Variants in ZNF462 observed in about 807,000 individuals in gnomAD.
ZNF462 encodes zinc finger PBX1-interacting protein.
ZNF462 carries 10 observed loss-of-function variants against 201.9 expected under a neutral mutation model. The ratio of observed to expected loss-of-function variants is 0.05; its 90% confidence interval spans 0.03 to 0.08. ZNF462 has a LOEUF of 0.08. ZNF462 is among the 10% of genes least tolerant of loss of function. The pLI is 1.00. For missense variants in ZNF462, 2,523 were observed against 3,168.3 expected (o/e 0.80, Z 4.89); for synonymous variants, 1,227 against 1,193.3 (o/e 1.03, Z -0.58).
intron 10 of ZNF462, among the ~76,000 whole-genome samples, chr9:106,992,923 T>C (rs1828399647): frequency 6.6e-6 from 1 of 152,102 alleles, no homozygotes. Flanking sequence ...CTGTAGTCTT[T>C]TTATGACGTT....
At chr9:106,863,035 G>A (rs1403919250), upstream of ZNF462, 4 of 396,870 alleles carry the variant, frequency 1.0e-5, no homozygotes. Flanking sequence ...GAGAGAGAGC[G>A]CGCGAGGGAG....
chr9:106,924,519 C>T lies in ZNF462; in HGVS notation c.607C>T (p.Pro203Ser). 1 of 1,614,110 alleles carries T rather than the reference C, an allele frequency of 6.2e-7. No homozygotes were observed. The highest frequency in any genetic ancestry group is 8.5e-7 in the Non-Finnish European group (1 of 1,180,000). ...TCCCCCACCTGCTCCTGCTCCAATGCCAGACCCTGTGGTTCCGCCCGTATC... is the reference window on the plus strand; with the variant it reads ...TCCCCCACCTGCTCCTGCTCCAATGTCAGACCCTGTGGTTCCGCCCGTATC... ...TAPPPAPAPM[P>S]DPVVPPVSLQ... is the part of the protein sequence containing the mutation. Residue 203 changes from proline (P) to serine (S), a missense_variant, in exon 3 of 13, where the codon CCA (proline) becomes TCA (serine). Physicochemically the swap from Pro to Ser is moderately conservative, Grantham distance 74. Around this residue, in one of 15 missense-constraint regions of ZNF462, gnomAD observed 480 missense variants for 544.4 expected, o/e 0.88. Coordinates refer to ENST00000277225, the MANE Select transcript of ZNF462 (RefSeq NM_021224.6). The surrounding 1 kb of genome is among the most constrained non-coding windows in gnomAD (Gnocchi z 6.2).
chr9:106,932,402 G>T lies in ZNF462; in HGVS notation c.6013-44G>T, dbSNP rs750018013. ...TTGGAGGATGAAACCCGGCCGGGGGGATACCATTGCAGTCAATGTGACAGA... is the reference window on the plus strand; with the variant it reads ...TTGGAGGATGAAACCCGGCCGGGGGTATACCATTGCAGTCAATGTGACAGA... On this transcript the variant is annotated intron_variant, in intron 4 of 12. Coordinates refer to ENST00000277225, the MANE Select transcript of ZNF462 (RefSeq NM_021224.6). This position sits in a 1 kb window ranked among gnomAD's most constrained non-coding sequence, Gnocchi z 6.8. 3.1e-6 allele frequency: 5 copies of T among 1,614,024 alleles called. No homozygotes were observed. The highest frequency in any genetic ancestry group is 1.1e-5 in the South Asian group (1 of 91,046).
chr9:106,990,995 A>G (rs1358287499), intron 10 of ZNF462, among the ~76,000 whole-genome samples: 1 of 152,024 alleles, frequency 6.6e-6, no homozygotes, highest in Non-Finnish European at 1.5e-5. Context: ...TGAGAGAGGA[A>G]TAGGGGTATC....
rs773855707 is a variant in ZNF462 at position 106,977,802 on chromosome 9, A to G, written c.6832+3529A>G. Among the ~76,000 whole-genome samples the G allele has an allele frequency of 1.3e-5, 2 of 151,598 alleles. No homozygotes were observed. The highest frequency in any genetic ancestry group is 2.9e-5 in the Non-Finnish European group (2 of 68,044). On this transcript the variant is annotated intron_variant, in intron 9 of 12. Coordinates refer to ENST00000277225, the MANE Select transcript of ZNF462 (RefSeq NM_021224.6). The surrounding 1 kb of genome is among the most constrained non-coding windows in gnomAD (Gnocchi z 4.6). ...AGGCAGAGAAGACTTAAGGCAGGGC[A>G]TATTAGTTTGCAAGGACTATTGTAA...
At position 107,006,533 on chromosome 9, in the gene ZNF462, C is replaced by T. The variant is rs984526974; in HGVS notation, c.7190-3012C>T. On this transcript the variant is annotated intron_variant, in intron 11 of 12. Coordinates refer to ENST00000277225, the MANE Select transcript of ZNF462 (RefSeq NM_021224.6). The surrounding 1 kb of genome is among the most constrained non-coding windows in gnomAD (Gnocchi z 4.3). ...CCTGAAATCTGTGGATTCAGTGGCC[C>T]TTGGGACCTTGCTGTAAGGAGCAGT... Among the ~76,000 whole-genome samples, 1 of 152,124 alleles carries T rather than the reference C, an allele frequency of 6.6e-6. No individual in the cohort carries two copies. Among genetic ancestry groups the T allele is most frequent in the Non-Finnish European group, 1.5e-5 (1 of 68,012 alleles).
intron 10 of ZNF462, among the ~76,000 whole-genome samples, chr9:107,001,916 GT>G (rs1446756209): frequency 6.6e-6 from 1 of 152,032 alleles, no homozygotes; most frequent in Non-Finnish European, 1.5e-5. Flanking sequence ...TTTAAAAGAG[GT>G]TTTTCCCTGA....
chr9:106,922,757 G>A (rs1200641560), intron 1 of ZNF462, among the ~76,000 whole-genome samples: 1 of 152,116 alleles, frequency 6.6e-6, no homozygotes, highest in Non-Finnish European at 1.5e-5. Context: ...TAAACTATTT[G>A]GAGAAGGGAG....
In ZNF462 at chr9:106,974,480, G is replaced by A; in HGVS notation, c.6832+207G>A. On this transcript the variant is annotated intron_variant, in intron 9 of 12. Coordinates refer to ENST00000277225, the MANE Select transcript of ZNF462 (RefSeq NM_021224.6). The surrounding 1 kb of genome is among the most constrained non-coding windows in gnomAD (Gnocchi z 4.0). ...GGAGTATTTCCTCCACCTGGAGGGA[G>A]GCAAAGGTGATGGATTCTGCAGTGA... The A allele has an allele frequency of 1.4e-6, 1 of 700,828 alleles. No individual in the cohort carries two copies. The highest frequency in any genetic ancestry group is 2.5e-6 in the Non-Finnish European group (1 of 404,956). 43.4% of individuals were successfully genotyped at this position (700,828 alleles called of 1,614,324 possible). A position where few individuals can be genotyped will look rare whatever the true frequency, so the allele number is the denominator to read the frequency against.
intron 9 of ZNF462, among the ~76,000 whole-genome samples, chr9:106,983,033 TTC>T (rs1419089570): frequency 6.6e-6 from 1 of 152,224 alleles, no homozygotes; most frequent in Non-Finnish European, 1.5e-5. Flanking sequence ...TTTGTAAACT[TTC>T]TGAGTCTTCT....
chr9:106,943,460 AC>A (rs1184445038), intron 7 of ZNF462, among the ~76,000 whole-genome samples: 3 of 152,176 alleles, frequency 2.0e-5, no homozygotes, highest in Non-Finnish European at 4.4e-5. Context: ...ACTAGCAAAT[AC>A]TGACATTCCT....
rs1416141431 is a variant in ZNF462, at chr9:107,010,969, C to T, written c.7460C>T (p.Ala2487Val). The T allele has an allele frequency of 6.2e-7, 1 of 1,613,738 alleles. No individual in the cohort carries two copies. The highest frequency in any genetic ancestry group is 1.7e-5 in the Admixed American group (1 of 59,974). Reference sequence around the variant, plus strand: ...TTTTCCCTAAAGAATGAAACAGTAGCCATCTGTGTAGTAACTGCCGACAAA... The same window carrying T: ...TTTTCCCTAAAGAATGAAACAGTAGTCATCTGTGTAGTAACTGCCGACAAA... The part of the protein sequence containing the change: ...IDFSLKNETV[A>V]ICVVTADKSL... Residue 2487 changes from alanine (A) to valine (V), a missense_variant, in exon 13 of 13, where the codon GCC becomes GTC. By Grantham distance (64) the Ala-to-Val change is moderately conservative. This residue lies in a region of ZNF462 where 67 missense variants were observed against 63.2 expected (regional missense o/e 1.06). Coordinates refer to ENST00000277225, the MANE Select transcript of ZNF462 (RefSeq NM_021224.6). This position sits in a 1 kb window ranked among gnomAD's most constrained non-coding sequence, Gnocchi z 4.6.
intron 5 of ZNF462, among the ~76,000 whole-genome samples, chr9:106,934,913 G>C (rs900513030): frequency 6.6e-6 from 1 of 152,120 alleles, no homozygotes; most frequent in Admixed American, 6.6e-5. Flanking sequence ...TTTTGACCAC[G>C]TGGCTCCTTT....
Position 106,954,368 on chromosome 9 carries a change from C to A in ZNF462, c.6427+15261C>A, listed in dbSNP as rs1831484616. ...ATCAGATCTTGTGATAACTCACTTA[C>A]TGTCACAAGAATAGCATGGAGGAAA... On this transcript the variant is annotated intron_variant, in intron 7 of 12. Transcript: ENST00000277225. The surrounding 1 kb of genome is among the most constrained non-coding windows in gnomAD (Gnocchi z 4.0). 2.0e-5 allele frequency among the ~76,000 whole-genome samples: 3 copies of A among 152,072 alleles called. No homozygotes were observed. Among genetic ancestry groups the A allele is most frequent in the Admixed American group, 2.0e-4 (3 of 15,246 alleles).
At position 107,003,347 on chromosome 9, in the gene ZNF462, G is replaced by A; in HGVS notation, c.7110G>A (p.Gln2370=). 1 of 1,613,952 alleles carries A rather than the reference G, an allele frequency of 6.2e-7. No homozygotes were observed. Among genetic ancestry groups the A allele is most frequent in the South Asian group, 1.1e-5 (1 of 91,072 alleles). ...VGRVNLDQLE[Q]MKEKMESSSS... is the part of the protein sequence containing the mutation. ...GGGTTAACTTGGATCAGCTGGAACA[G>A]ATGAAGGAGAAAATGGAGAGCTCCA... is the stretch of plus-strand genomic sequence containing the variant. The change falls in exon 11 of 13, where the codon CAG becomes CAA. Residue 2370 remains glutamine (Q), a synonymous_variant. Transcript: ENST00000277225. The surrounding 1 kb of genome is among the most constrained non-coding windows in gnomAD (Gnocchi z 4.4).
chr9:106,973,864 G>A (rs1465120872), intron 8 of ZNF462, among the ~76,000 whole-genome samples: 1 of 151,968 alleles, frequency 6.6e-6, no homozygotes, highest in Non-Finnish European at 1.5e-5. Context: ...TAAGAATAAG[G>A]TGTTTGGGGA....
At position 106,938,942 on chromosome 9, in the gene ZNF462, T is replaced by C; in HGVS notation, c.6262T>C (p.Cys2088Arg). ...TGAGCATGCCTACAAGTGTTCTTGG[T>C]GCTCATTCTCCACCATGACAATCAG... ...AGEHAYKCSWCSFSTMTISQL... is the reference protein window; with the variant it reads ...AGEHAYKCSWRSFSTMTISQL... Residue 2088 changes from cysteine to arginine, a missense_variant, in exon 7 of 13, where the codon TGC (cysteine) becomes CGC (arginine). Around this residue, in one of 15 missense-constraint regions of ZNF462, gnomAD observed 138 missense variants for 146.3 expected, o/e 0.94. Transcript: ENST00000277225. The surrounding 1 kb of genome is among the most constrained non-coding windows in gnomAD (Gnocchi z 4.4). 6.2e-7 allele frequency: 1 copy of C among 1,611,872 alleles called. No homozygotes were observed. Among genetic ancestry groups the C allele is most frequent in the Non-Finnish European group, 8.5e-7 (1 of 1,179,018 alleles).
In ZNF462 at chr9:106,890,770, C is replaced by T. The variant is rs564643042; in HGVS notation, c.-31+27415C>T. ...GCTGTGACATGAAACAATATTGCAT[C>T]GTAGGGAGTGCATAGTAGACTATGT... On this transcript the variant is annotated intron_variant, in intron 1 of 12. Transcript: ENST00000277225. This position sits in a 1 kb window ranked among gnomAD's most constrained non-coding sequence, Gnocchi z 4.2. 1.2e-4 allele frequency among the ~76,000 whole-genome samples: 18 copies of T among 152,182 alleles called. No individual in the cohort carries two copies. Among genetic ancestry groups the T allele is most frequent in the African/African-American group, 4.1e-4 (17 of 41,508 alleles).
rs1358896814 is a variant in ZNF462, at chr9:107,003,948, AAG to A, written c.7189+528_7189+529del. 2.6e-5 allele frequency among the ~76,000 whole-genome samples: 4 copies of A among 152,144 alleles called. No homozygotes were observed. The highest frequency in any genetic ancestry group is 9.7e-5 in the African/African-American group (4 of 41,442). ...CTGACTTGCTTTGTAAGGAGAGAGA[AAG>A]AGAGACCACCTCTTTCATTCAACTA... On this transcript the variant is annotated intron_variant, in intron 11 of 12. Coordinates refer to ENST00000277225, the MANE Select transcript of ZNF462 (RefSeq NM_021224.6). The surrounding 1 kb of genome is among the most constrained non-coding windows in gnomAD (Gnocchi z 4.4).
Sources: gnomAD v4.1 joint callset for allele counts (sites outside exome capture counted in the v4.1 genomes callset) on GRCh38, gnomAD v4.1.1 for gene constraint, gnomAD v4.1.1 regional missense constraint, Gnocchi (gnomAD v3.1) non-coding constraint, MANE v1.5 for transcripts, NCBI Gene and HGNC (gene_info 2026-07-23, HGNC 2026-07-21) for gene names.